Variants in MPPED1 observed in about 807,000 individuals in gnomAD.
MPPED1 encodes the protein metallophosphoesterase domain-containing protein 1.
A neutral mutation model predicts 36.2 loss-of-function variants in MPPED1; 16 were observed. The ratio of observed to expected loss-of-function variants is 0.44; its 90% CI spans 0.30 to 0.67. MPPED1 has a LOEUF of 0.67. Ranked by LOEUF, MPPED1 falls within the 30% of genes least tolerant of loss-of-function variation. MPPED1 has a pLI of 0.10. For synonymous variants in MPPED1, 199 were observed against 191.3 expected (o/e 1.04, Z -0.33); for missense variants, 307 against 453.4 (o/e 0.68, Z 2.93).
intron 3 of MPPED1, among the ~76,000 whole-genome samples, chr22:43,456,790 C>T (rs1930771613): frequency 1.3e-5 from 2 of 152,144 alleles, no homozygotes; most frequent in Non-Finnish European, 2.9e-5. Flanking sequence ...GCCACCGCAC[C>T]CGGTGTGTGT....
chr22:43,432,929 G>A (rs796196079), intron 2 of MPPED1, among the ~76,000 whole-genome samples: 1 of 101,792 alleles, frequency 9.8e-6, no homozygotes, highest in Non-Finnish European at 2.3e-5. Flanking sequence ...AGGAGAGAGA[G>A]AGGGAAAGAG....
At chr22:43,479,508 A>T (rs1430250724) in intron 4 of MPPED1, among the ~76,000 whole-genome samples, 2 of 152,186 alleles carry the variant, frequency 1.3e-5, no homozygotes, top group Non-Finnish European at 2.9e-5. Flanking sequence ...AGACTCCCCC[A>T]TAGGCAGGCG....
chr22:43,420,628 C>T (rs1234827774), intron 1 of MPPED1, among the ~76,000 whole-genome samples: 1 of 152,094 alleles, frequency 6.6e-6, no homozygotes, highest in African/African-American at 2.4e-5. Context: ...TCTCGAACTC[C>T]CGACCTCAGG....
At chr22:43,449,383 AG>A (rs1383560962) in intron 3 of MPPED1, among the ~76,000 whole-genome samples, 2 of 151,874 alleles carry the variant, frequency 1.3e-5, no homozygotes, top group African/African-American at 2.4e-5. Flanking sequence ...CTGGATCGTC[AG>A]GTACACCGCC....
Position 43,502,986 on chromosome 22 carries a change from C to T in MPPED1, c.862+229C>T, listed in dbSNP as rs569819796. 6.6e-6 allele frequency among the ~76,000 whole-genome samples: 1 copy of T among 152,336 alleles called. No homozygotes were observed. Among genetic ancestry groups the T allele is most frequent in the African/African-American group, 2.4e-5 (1 of 41,578 alleles). ...TGCATGACTTAGGGGGTAAATTTTG[C>T]TTCCGGGGAGCCCTGCAACTCTGCT... On this transcript the variant is annotated intron_variant, in intron 6 of 6. Transcript: ENST00000443721. The surrounding 1 kb of genome is among the most constrained non-coding windows in gnomAD (Gnocchi z 5.5).
At chr22:43,491,293 G>A (rs980235430) in intron 4 of MPPED1, among the ~76,000 whole-genome samples, 2 of 152,042 alleles carry the variant, frequency 1.3e-5, no homozygotes, top group African/African-American at 4.8e-5. Context: ...TGGTGATATT[G>A]ATAATGGTGG....
intron 3 of MPPED1, among the ~76,000 whole-genome samples, chr22:43,446,109 G>C (rs570978989): frequency 6.8e-6 from 1 of 146,294 alleles, no homozygotes; most frequent in African/African-American, 2.5e-5. Flanking sequence ...GGGCTCAAGC[G>C]ATCTGCCTGC....
intron 4 of MPPED1, among the ~76,000 whole-genome samples, chr22:43,484,227 G>C (rs909496016): frequency 6.6e-6 from 1 of 152,200 alleles, no homozygotes; most frequent in African/African-American, 2.4e-5. Context: ...ACCCGCATTC[G>C]GCCGACTGCC....
intron 4 of MPPED1, among the ~76,000 whole-genome samples, chr22:43,486,429 G>A (rs919336862): frequency 7.2e-5 from 11 of 152,162 alleles, no homozygotes; most frequent in Admixed American, 2.6e-4. Context: ...GAGAGTGCTT[G>A]GCCTTGGGGG....
intron 3 of MPPED1, among the ~76,000 whole-genome samples, chr22:43,470,566 C>T (rs1931340371): frequency 6.6e-6 from 1 of 152,234 alleles, no homozygotes; most frequent in Non-Finnish European, 1.5e-5. Context: ...TATATCCATC[C>T]ATCTATAAAC....
intron 4 of MPPED1, among the ~76,000 whole-genome samples, chr22:43,490,364 G>A (rs932994133): frequency 3.9e-5 from 6 of 152,212 alleles, no homozygotes; most frequent in African/African-American, 1.2e-4. Flanking sequence ...ACCCTGGGAA[G>A]TGGAACAACC....
chr22:43,503,199 G>A lies in MPPED1; in HGVS notation c.862+442G>A, dbSNP rs73170084. 2.5e-3 allele frequency among the ~76,000 whole-genome samples: 376 copies of A among 152,304 alleles called. 2 individuals are homozygous for A. The highest frequency in any genetic ancestry group is 6.8e-3 in the Middle Eastern group (2 of 292). On this transcript the variant is annotated intron_variant, in intron 6 of 6. Transcript: ENST00000443721. The stretch of plus-strand genomic sequence containing the variant: ...ACAATAGGTGCTTAATAAGTGTGGA[G>A]GGACTACCTGTGATGGTGAGGGTGA...
intron 3 of MPPED1, among the ~76,000 whole-genome samples, chr22:43,449,977 T>C (rs930971220): frequency 4.6e-5 from 7 of 152,068 alleles, no homozygotes; most frequent in Non-Finnish European, 8.8e-5. Context: ...GGCTGCAGAA[T>C]GGGCGGGCCC....
chr22:43,445,558 CTTTT>C (rs135055), intron 3 of MPPED1, among the ~76,000 whole-genome samples: 2 of 123,912 alleles, frequency 1.6e-5, no homozygotes, highest in Non-Finnish European at 1.6e-5. Context: ...CTGATGTTTC[CTTTT>C]TTTTTTTTTT....
chr22:43,477,868 G>A (rs1034280756), intron 4 of MPPED1, among the ~76,000 whole-genome samples: 1 of 152,202 alleles, frequency 6.6e-6, no homozygotes, highest in South Asian at 2.1e-4. Flanking sequence ...CTGTGTAGTG[G>A]GGAAACGACA....
chr22:43,480,821 CT>C, intron 4 of MPPED1, among the ~76,000 whole-genome samples: 1 of 146,974 alleles, frequency 6.8e-6, no homozygotes, highest in Admixed American at 6.7e-5. Flanking sequence ...TTTTTCTTTT[CT>C]TTTCTTTTTT....
chr22:43,478,119 A>G (rs1931634330), intron 4 of MPPED1, among the ~76,000 whole-genome samples: 1 of 152,226 alleles, frequency 6.6e-6, no homozygotes, highest in Non-Finnish European at 1.5e-5. Flanking sequence ...TGGCTTGTCC[A>G]GGGCACCCGC....
intron 4 of MPPED1, among the ~76,000 whole-genome samples, chr22:43,494,839 G>A (rs1189208097): frequency 6.6e-6 from 1 of 152,136 alleles, no homozygotes; most frequent in African/African-American, 2.4e-5. Flanking sequence ...CCAAGATCAA[G>A]GTGCTGGCAG....
At chr22:43,492,432 T>G (rs1932132996) in intron 4 of MPPED1, among the ~76,000 whole-genome samples, 1 of 152,114 alleles carries the variant, frequency 6.6e-6, no homozygotes, top group African/African-American at 2.4e-5. Flanking sequence ...TGCCCACTAA[T>G]GGGATTAGCC....
Sources: gnomAD v4.1 joint callset for allele counts (sites outside exome capture counted in the v4.1 genomes callset) on GRCh38, gnomAD v4.1.1 for gene constraint, Gnocchi (gnomAD v3.1) non-coding constraint, MANE v1.5 for transcripts, NCBI Gene and HGNC (gene_info 2026-07-23, HGNC 2026-07-21) for gene names.